SFTPB: variants seen among roughly 807,000 people sequenced by gnomAD.
SFTPB encodes the protein surfactant protein B.
SFTPB carries 32 observed loss-of-function variants against 51.0 expected under a neutral mutation model. The observed-to-expected ratio is 0.63, with a 90% CI of 0.47 to 0.84. The LOEUF (loss-of-function observed/expected upper bound fraction) is 0.84, where lower values mean the gene tolerates loss of function less well. SFTPB is among the 40% of genes least tolerant of loss of function. The pLI is 0.00. For synonymous variants in SFTPB, 211 were observed against 208.5 expected, an observed-to-expected ratio of 1.01 and a Z score of -0.10; for missense variants, 431 against 491.2, an observed-to-expected ratio of 0.88 and a Z score of 1.16.
chr2:85,665,734 G>C lies in SFTPB; in HGVS notation c.454C>G (p.Gln152Glu). 6.2e-7 allele frequency: 1 copy of C among 1,614,202 alleles called. No individual in the cohort carries two copies. The highest frequency in any genetic ancestry group is 8.5e-7 in the Non-Finnish European group (1 of 1,180,038). Residue 152 changes from glutamine (Q) to glutamate (E), a missense_variant, in exon 5 of 11, where the codon CAG becomes GAG. Coordinates refer to ENST00000519937, the MANE Select transcript of SFTPB (RefSeq NM_000542.5). ...AGGGGGTCTGACATCCCTGGCTCCT[G>C]CTCTGGCTCTGGCTGCCGGGATTTG... ...LCKSRQPEPE[Q>E]EPGMSDPLPK... is the part of the protein sequence containing the mutation.
intron 8 of SFTPB, chr2:85,662,317 C>G (rs1291099827): frequency 7.0e-7 from 1 of 1,422,812 alleles, no homozygotes; most frequent in Non-Finnish European, 9.2e-7. Context: ...GCAGGCGACA[C>G]TGGAGACGGA....
chr2:85,666,480 G>T, intron 4 of SFTPB, 137 bp downstream of exon 4: 2 of 814,052 alleles, frequency 2.5e-6, no homozygotes, highest in African/African-American at 2.1e-5. Context: ...TTTGTGTCTG[G>T]CCGGCTTGGG....
chr2:85,659,828 T>C (rs1352706626), intron 10 of SFTPB, 146 bp from the exon 11 acceptor site: 1 of 152,470 alleles, frequency 6.6e-6, no homozygotes, highest in Non-Finnish European at 1.5e-5. Flanking sequence ...CCGGGAGCCC[T>C]AGGAGCTGGG....
chr2:85,665,231 G>A, intron 6 of SFTPB, 58 bp downstream of exon 6: 3 of 1,255,076 alleles, frequency 2.4e-6, no homozygotes, highest in Non-Finnish European at 3.5e-6. Context: ...GGTGGGAGCT[G>A]CAGGGAGCTA....
intron 4 of SFTPB, 83 bp downstream of exon 4, chr2:85,666,534 G>A (rs1677646900): frequency 5.7e-6 from 8 of 1,412,848 alleles, no homozygotes; most frequent in South Asian, 3.5e-5. Context: ...TGGCTGGCTG[G>A]GGTGCTGTGT....
At chr2:85,662,208 C>T in intron 8 of SFTPB, 99 bp from the exon 9 acceptor site, 1 of 1,540,692 alleles carries the variant, frequency 6.5e-7, no homozygotes. Flanking sequence ...CTAGGGCTCC[C>T]TCCCGACTCC....
At chr2:85,665,408 T>C in intron 5 of SFTPB, 30 bp from the exon 6 acceptor site, 1 of 1,583,982 alleles carries the variant, frequency 6.3e-7, no homozygotes, top group Non-Finnish European at 8.7e-7. Context: ...GAGGCCAGGC[T>C]GGGTGCTGGG....
chr2:85,667,187 G>C lies in SFTPB; in HGVS notation c.196-10C>G. The C allele has an allele frequency of 6.2e-7, 1 of 1,611,794 alleles. No homozygotes were observed. Among genetic ancestry groups the C allele is most frequent in the Non-Finnish European group, 8.5e-7 (1 of 1,177,882 alleles). ...CTTGGCATAGGTCATCCTGGGGAGG[G>C]AGGGGCCCCAAGGTGGAGGACACAT... On this transcript the variant is annotated splice_polypyrimidine_tract_variant and intron_variant, in intron 2 of 10. Transcript: ENST00000519937.
At chr2:85,662,900 G>A (rs1677382309) in intron 8 of SFTPB, among the ~76,000 whole-genome samples, 1 of 150,228 alleles carries the variant, frequency 6.7e-6, no homozygotes, top group South Asian at 2.1e-4. Context: ...GTATTGGCAA[G>A]GGCCCTAGGA....
chr2:85,667,802 G>A lies in SFTPB; in HGVS notation c.72C>T (p.Ala24=). The part of the protein sequence containing the change: ...LPTLCGPGTA[A]WTTSSLACAQ... ...CACAGGCCAAGGATGAGGTGGTCCA[G>A]GCAGCTGTGGTTTGGGGCCAGAGCA... Residue 24 remains alanine (A), a synonymous_variant, in exon 2 of 11, where the codon GCC becomes GCT. Transcript: ENST00000519937. 1 of 1,614,266 alleles carries A rather than the reference G, an allele frequency of 6.2e-7. No homozygotes were observed.
intron 8 of SFTPB, among the ~76,000 whole-genome samples, chr2:85,662,855 A>AG (rs1302453792): frequency 1.9e-4 from 29 of 151,106 alleles, no homozygotes; most frequent in Non-Finnish European, 4.1e-4. Flanking sequence ...AAAAAAAAAA[A>AG]AAAAAAAAAA....
At chr2:85,661,971 G>A in intron 9 of SFTPB, 58 bp downstream of exon 9, 1 of 1,521,758 alleles carries the variant, frequency 6.6e-7, no homozygotes, top group Non-Finnish European at 9.0e-7. Flanking sequence ...GGGCCCAAAG[G>A]GTGGGGGCTC....
At chr2:85,664,052 C>T (rs35381924) in intron 6 of SFTPB, among the ~76,000 whole-genome samples, 122 of 152,126 alleles carry the variant, frequency 8.0e-4, no homozygotes, top group Non-Finnish European at 4.9e-4. Flanking sequence ...GTGTAGGAGC[C>T]AGCTTCAGAC....
chr2:85,668,064 T>G, intron 1 of SFTPB, 53 bp downstream of exon 1: 1 of 1,413,166 alleles, frequency 7.1e-7, no homozygotes, highest in Non-Finnish European at 9.8e-7. Context: ...CACAAAGCAG[T>G]GCTCAGTGAG....
At chr2:85,667,229 C>T (rs745468863) in intron 2 of SFTPB, 52 bp from the exon 3 acceptor site, 3 of 1,357,030 alleles carry the variant, frequency 2.2e-6, no homozygotes, top group Middle Eastern at 1.8e-4. Flanking sequence ...GGGAGGCTCC[C>T]AGCTCCAATG....
At chr2:85,668,416 CT>C (rs1009597780), upstream of SFTPB, among the ~76,000 whole-genome samples, 15 of 152,370 alleles carry the variant, frequency 9.8e-5, no homozygotes, top group Admixed American at 3.9e-4. Flanking sequence ...TCCCATGTTC[CT>C]GGACTTGTGG....
rs1239295396 is a variant in SFTPB, at chr2:85,662,118, G to A, written c.1003-9C>T. The A allele has an allele frequency of 3.1e-6, 5 of 1,597,362 alleles. No individual in the cohort carries two copies. The highest frequency in any genetic ancestry group is 2.7e-5 in the African/African-American group (2 of 74,866). On this transcript the variant is annotated splice_polypyrimidine_tract_variant and intron_variant, in intron 8 of 10. Transcript: ENST00000519937. Reference sequence around the variant, plus strand: ...TCCACAAATTGCTTGCACTGAGGAAGGAGACACACAGCTGTGGAGGGTCCC... The same window carrying A: ...TCCACAAATTGCTTGCACTGAGGAAAGAGACACACAGCTGTGGAGGGTCCC...
intron 4 of SFTPB, 42 bp downstream of exon 4, chr2:85,666,575 C>CTG (rs1677650770): frequency 6.2e-7 from 1 of 1,606,424 alleles, no homozygotes; most frequent in Non-Finnish European, 8.5e-7. Flanking sequence ...GCACAGGGGC[C>CTG]TGCGTGGGGA....
rs1183455794 is a variant in SFTPB at position 85,663,440 on chromosome 2, A to G, written c.908T>C (p.Met303Thr). ...GTTCCCGGCCTGGGTGGTCACGGACATGCAGAGGTGGCACTCAGAGTCTCG... is the reference window on the plus strand; with the variant it reads ...GTTCCCGGCCTGGGTGGTCACGGACGTGCAGAGGTGGCACTCAGAGTCTCG... ...LPRDSECHLC[M>T]SVTTQAGNSS... Residue 303 changes from methionine to threonine, a missense_variant, in exon 8 of 11, where the codon ATG becomes ACG. Coordinates refer to ENST00000519937, the MANE Select transcript of SFTPB (RefSeq NM_000542.5). The G allele has an allele frequency of 3.7e-6, 6 of 1,614,034 alleles. No homozygotes were observed. In the Admixed American group the frequency reaches 6.7e-5, roughly 18 times the overall value.
Sources: allele counts gnomAD v4.1 joint callset (sites outside exome capture counted in the v4.1 genomes callset), GRCh38; gene constraint gnomAD v4.1.1; transcripts MANE v1.5; gene names NCBI Gene and HGNC (gene_info 2026-07-23, HGNC 2026-07-21).